The following RUNX1T1 variants were observed in gnomAD, a reference collection of about 807,000 sequenced individuals.
The protein encoded by RUNX1T1 is protein CBFA2T1.
RUNX1T1 carries 4 observed loss-of-function variants against 62.8 expected under a neutral mutation model. That is an observed-to-expected ratio of 0.06 (90% confidence interval 0.03 to 0.15). RUNX1T1 has a LOEUF of 0.15. Ranked by LOEUF, RUNX1T1 falls within the 10% of genes least tolerant of loss-of-function variation. The pLI is 1.00. For missense variants in RUNX1T1, 508 were observed against 754.3 expected, an observed-to-expected ratio of 0.67 and a Z score of 3.82; for synonymous variants, 291 against 286.0, an observed-to-expected ratio of 1.02 and a Z score of -0.18.
At chr8:92,050,820 C>T (rs775752704) in intron 1 of RUNX1T1, among the ~76,000 whole-genome samples, 3 of 152,176 alleles carry the variant, frequency 2.0e-5, no homozygotes, top group African/African-American at 7.2e-5. Context: ...CCTCTGATGG[C>T]TTCCAGACAT....
intron 1 of RUNX1T1, among the ~76,000 whole-genome samples, chr8:92,027,070 C>T (rs1304903826): frequency 2.0e-5 from 3 of 147,332 alleles, no homozygotes; most frequent in East Asian, 2.0e-4. Flanking sequence ...GAGTCGAGAT[C>T]GCGCCACTGC....
chr8:92,009,480 T>C (rs1160812018), intron 4 of RUNX1T1, among the ~76,000 whole-genome samples: 3 of 152,166 alleles, frequency 2.0e-5, no homozygotes, highest in African/African-American at 4.8e-5. Flanking sequence ...AATGATATGG[T>C]AACCATATGG....
intron 1 of RUNX1T1, among the ~76,000 whole-genome samples, chr8:92,020,327 A>C (rs1250199642): frequency 1.3e-5 from 2 of 152,222 alleles, no homozygotes; most frequent in Non-Finnish European, 2.9e-5. Flanking sequence ...CTTTTATAGC[A>C]AACAGCACAA....
At chr8:91,976,512 G>A (rs1406950493) in intron 8 of RUNX1T1, among the ~76,000 whole-genome samples, 3 of 152,116 alleles carry the variant, frequency 2.0e-5, no homozygotes, top group Non-Finnish European at 4.4e-5. Flanking sequence ...AGATCATATG[G>A]ATTTGACATA....
At chr8:92,054,882 T>G (rs575481459) in intron 1 of RUNX1T1, among the ~76,000 whole-genome samples, 8 of 151,988 alleles carry the variant, frequency 5.3e-5, no homozygotes, top group Non-Finnish European at 1.2e-4. Flanking sequence ...GCGCTTACCT[T>G]TAGCCCCAGC....
chr8:92,069,793 C>G (rs374771635), intron 2 of RUNX1T1, among the ~76,000 whole-genome samples: 2 of 152,252 alleles, frequency 1.3e-5, no homozygotes, highest in East Asian at 1.9e-4. Flanking sequence ...CAATGCAATT[C>G]CCTTACTCTA....
At chr8:92,004,368 G>A (rs1002866738) in intron 5 of RUNX1T1, 6 of 152,186 alleles carry the variant, frequency 3.9e-5, no homozygotes, top group African/African-American at 1.2e-4. Flanking sequence ...TATATCAGAA[G>A]ATAATTATAG....
chr8:91,975,133 A>G (rs989144388), intron 9 of RUNX1T1, among the ~76,000 whole-genome samples: 2 of 152,222 alleles, frequency 1.3e-5, no homozygotes, highest in Non-Finnish European at 2.9e-5. Context: ...CTCTTGAAAC[A>G]GGTTTATGTT....
intron 4 of RUNX1T1, among the ~76,000 whole-genome samples, chr8:92,008,347 GAATT>G (rs1203414838): frequency 6.9e-6 from 1 of 145,654 alleles, no homozygotes; most frequent in Non-Finnish European, 1.5e-5. Flanking sequence ...TTATCAAAAA[GAATT>G]ATTTGGGTGC....
chr8:91,956,534 TACA>T (rs936795249), downstream of RUNX1T1: 2 of 220,440 alleles, frequency 9.1e-6, no homozygotes, highest in African/African-American at 2.2e-5. Context: ...CAGTAAAGAA[TACA>T]ACAATACCTG....
intron 2 of RUNX1T1, among the ~76,000 whole-genome samples, chr8:92,069,898 T>G (rs1423579148): frequency 3.3e-5 from 5 of 152,228 alleles, no homozygotes; most frequent in Non-Finnish European, 4.4e-5. Flanking sequence ...GTACCTTTTT[T>G]ACCCATTATA....
chr8:92,045,651 G>A (rs1299816152), intron 1 of RUNX1T1, among the ~76,000 whole-genome samples: 1 of 151,980 alleles, frequency 6.6e-6, no homozygotes, highest in African/African-American at 2.4e-5. Context: ...TGGAACCTGC[G>A]CTACCTCTTG....
chr8:92,072,307 T>C (rs1833806753), intron 2 of RUNX1T1, among the ~76,000 whole-genome samples: 1 of 152,226 alleles, frequency 6.6e-6, no homozygotes, highest in African/African-American at 2.4e-5. Context: ...AAATACCATC[T>C]ATGATCTGGT....
intron 1 of RUNX1T1, among the ~76,000 whole-genome samples, chr8:92,027,115 CAAAAAAAA>C (rs71563484): frequency 3.0e-3 from 221 of 74,198 alleles, no homozygotes; most frequent in Non-Finnish European, 4.3e-3. Flanking sequence ...AACTCCGTCT[CAAAAAAAA>C]AAAAAAAAAA....
chr8:91,985,887 C>T (rs1014253655), intron 8 of RUNX1T1, among the ~76,000 whole-genome samples: 9 of 152,156 alleles, frequency 5.9e-5, no homozygotes, highest in Non-Finnish European at 1.5e-5. Context: ...AGTGCTGAAA[C>T]GCTGCCATCA....
intron 1 of RUNX1T1, among the ~76,000 whole-genome samples, chr8:92,087,805 T>G (rs1038588420): frequency 6.6e-6 from 1 of 152,214 alleles, no homozygotes; most frequent in Admixed American, 6.5e-5. Context: ...GTGACTTTCT[T>G]TATAAGTAGT....
exon 11 of RUNX1T1, chr8:91,960,386 G>C: frequency 6.2e-7 from 1 of 1,614,140 alleles, no homozygotes; most frequent in Non-Finnish European, 8.5e-7. Context: ...CCTGCTGCTG[G>C]GCCTGCAGGG....
intron 8 of RUNX1T1, among the ~76,000 whole-genome samples, chr8:91,981,174 T>C (rs1815159812): frequency 6.6e-6 from 1 of 152,060 alleles, no homozygotes. Context: ...ACAAAACTAA[T>C]ATGAAGAGGA....
At chr8:92,086,907 C>T (rs755351284) in intron 1 of RUNX1T1, among the ~76,000 whole-genome samples, 16 of 152,218 alleles carry the variant, frequency 1.1e-4, no homozygotes, top group Non-Finnish European at 1.5e-4. Flanking sequence ...ACAAGCTTCT[C>T]GCCTGGCCTT....
Sources: gnomAD v4.1 joint callset for allele counts (sites outside exome capture counted in the v4.1 genomes callset) on GRCh38, gnomAD v4.1.1 for gene constraint, MANE v1.5 for transcripts, NCBI Gene and HGNC (gene_info 2026-07-23, HGNC 2026-07-21) for gene names.